Variants in SNAP91 observed in about 807,000 individuals in gnomAD.
The protein encoded by SNAP91 is synaptosome associated protein 91.
Under a neutral mutation model 100.3 loss-of-function variants are expected in SNAP91, and 27 were observed. That is an observed-to-expected ratio of 0.27 (90% CI 0.20 to 0.37). SNAP91 has a LOEUF of 0.37. SNAP91 is among the 10% of genes least tolerant of loss of function. SNAP91 has a pLI of 1.00. For missense variants in SNAP91, 986 were observed against 1,123.7 expected (o/e 0.88, Z 1.75); for synonymous variants, 404 against 398.6 (o/e 1.01, Z -0.16).
chr6:83,580,387 G>GA, intron 24 of SNAP91, 63 bp downstream of exon 24: 1 of 1,474,146 alleles, frequency 6.8e-7, no homozygotes, highest in Non-Finnish European at 9.2e-7. Flanking sequence ...GAGAGAGAGA[G>GA]AAACAAAAAA....
intron 7 of SNAP91, among the ~76,000 whole-genome samples, chr6:83,644,774 C>G (rs1381319203): frequency 6.6e-6 from 1 of 152,138 alleles, no homozygotes; most frequent in Non-Finnish European, 1.5e-5. Context: ...AGATTTATAG[C>G]ACCAATATTG....
chr6:83,645,744 G>T (rs142026091), intron 7 of SNAP91, among the ~76,000 whole-genome samples: 1 of 152,016 alleles, frequency 6.6e-6, no homozygotes, highest in African/African-American at 2.4e-5. Flanking sequence ...CCAGCTACTC[G>T]GGAGGCTGAG....
chr6:83,707,302 C>T (rs918417135), intron 2 of SNAP91, among the ~76,000 whole-genome samples: 1 of 152,116 alleles, frequency 6.6e-6, no homozygotes, highest in African/African-American at 2.4e-5. Context: ...AAACAATCCT[C>T]AGGAGCAACA....
chr6:83,564,353 A>G (rs955223963), intron 26 of SNAP91, among the ~76,000 whole-genome samples: 21 of 142,024 alleles, frequency 1.5e-4, no homozygotes, highest in Non-Finnish European at 2.2e-4. Flanking sequence ...TTTTATATAT[A>G]TATATACAGG....
At chr6:83,555,307 G>A (rs1159124245) in intron 29 of SNAP91, among the ~76,000 whole-genome samples, 2 of 152,094 alleles carry the variant, frequency 1.3e-5, no homozygotes, top group Non-Finnish European at 2.9e-5. Context: ...CACAGCAGGT[G>A]CATACTGAAA....
At chr6:83,554,936 CTT>C (rs1775575003) in intron 29 of SNAP91, among the ~76,000 whole-genome samples, 1 of 152,184 alleles carries the variant, frequency 6.6e-6, no homozygotes, top group Non-Finnish European at 1.5e-5. Context: ...CTCTCTTTCT[CTT>C]TGTCTGTCTC....
chr6:83,653,752 G>T (rs1283837233), intron 7 of SNAP91, among the ~76,000 whole-genome samples: 1 of 152,262 alleles, frequency 6.6e-6, no homozygotes, highest in South Asian at 2.1e-4. Context: ...GTTAAGGTGC[G>T]GAGAGGGGAA....
intron 2 of SNAP91, among the ~76,000 whole-genome samples, chr6:83,700,352 C>T (rs986211869): frequency 1.3e-5 from 2 of 151,974 alleles, no homozygotes; most frequent in Non-Finnish European, 2.9e-5. Context: ...GGCCAAATCA[C>T]TGGCAATACA....
rs61358113 is a variant in SNAP91, at chr6:83,652,355, G to A, written c.658+4399C>T. Among the ~76,000 whole-genome samples the A allele has an allele frequency of 3.1e-3, 468 of 151,878 alleles. 2 individuals are homozygous for A. The highest frequency in any genetic ancestry group is 0.011 in the African/African-American group (440 of 41,436). On this transcript the variant is annotated intron_variant, in intron 7 of 29. Transcript: ENST00000369694. The stretch of plus-strand genomic sequence containing the variant: ...AGATTCCATTTTCTCTCCTTTCTTA[G>A]CATATCAATTACACTTCTTTTTTAC...
At chr6:83,637,126 G>T (rs1216658400) in intron 8 of SNAP91, among the ~76,000 whole-genome samples, 1 of 152,198 alleles carries the variant, frequency 6.6e-6, no homozygotes, top group African/African-American at 2.4e-5. Flanking sequence ...TGCGTATGTG[G>T]CAGTGCTCTG....
intron 2 of SNAP91, among the ~76,000 whole-genome samples, chr6:83,684,559 C>G (rs1226763274): frequency 6.6e-6 from 1 of 152,138 alleles, no homozygotes; most frequent in Non-Finnish European, 1.5e-5. Context: ...TTGTCACACT[C>G]TGTATACACC....
intron 5 of SNAP91, among the ~76,000 whole-genome samples, chr6:83,659,427 T>TC (rs942803783): frequency 2.4e-4 from 23 of 96,844 alleles, no homozygotes; most frequent in African/African-American, 6.1e-4. Context: ...GTTTTCTTCT[T>TC]TTTTTTTTTT....
chr6:83,603,122 A>G (rs1269763239), intron 14 of SNAP91, among the ~76,000 whole-genome samples: 1 of 152,216 alleles, frequency 6.6e-6, no homozygotes, highest in Non-Finnish European at 1.5e-5. Context: ...GGAGCACTCA[A>G]TCAATATTAG....
intron 16 of SNAP91, among the ~76,000 whole-genome samples, chr6:83,598,193 A>C (rs1465459890): frequency 6.6e-6 from 1 of 152,124 alleles, no homozygotes; most frequent in Non-Finnish European, 1.5e-5. Context: ...TTTGCCTTTT[A>C]TTTTTGTCAA....
At chr6:83,592,040 A>C (rs893260691) in intron 21 of SNAP91, among the ~76,000 whole-genome samples, 1 of 152,236 alleles carries the variant, frequency 6.6e-6, no homozygotes, top group Non-Finnish European at 1.5e-5. Context: ...TTATGCTTTC[A>C]GTTTTAACTG....
chr6:83,644,298 G>C (rs989847586), intron 7 of SNAP91, among the ~76,000 whole-genome samples: 2 of 152,026 alleles, frequency 1.3e-5, no homozygotes, highest in Non-Finnish European at 2.9e-5. Context: ...CTCGATCATT[G>C]TGGATTTAGG....
At chr6:83,697,250 T>C (rs1009012503) in intron 2 of SNAP91, among the ~76,000 whole-genome samples, 3 of 151,910 alleles carry the variant, frequency 2.0e-5, no homozygotes, top group South Asian at 2.1e-4. Flanking sequence ...GTATAATATA[T>C]GTAGTTATAA....
chr6:83,564,436 CA>C (rs1183016186), intron 26 of SNAP91, among the ~76,000 whole-genome samples: 3 of 151,504 alleles, frequency 2.0e-5, no homozygotes. Flanking sequence ...TTCCCTGGCT[CA>C]AGTGATTCTC....
chr6:83,661,497 C>G lies in SNAP91; in HGVS notation c.452+5G>C. 6.4e-7 allele frequency: 1 copy of G among 1,566,494 alleles called. No individual in the cohort carries two copies. The highest frequency in any genetic ancestry group is 8.7e-7 in the Non-Finnish European group (1 of 1,145,892). On this transcript the variant is annotated splice_donor_5th_base_variant and intron_variant, in intron 5 of 29. Coordinates refer to ENST00000369694, the MANE Select transcript of SNAP91 (RefSeq NM_001242792.2). Reference sequence around the variant, plus strand: ...CTAATAAATATAAGAAAGACAAAAACATACCCTTTCTTCACCCTGGCAAAA... The same window carrying G: ...CTAATAAATATAAGAAAGACAAAAAGATACCCTTTCTTCACCCTGGCAAAA...
Sources: allele counts gnomAD v4.1 joint callset (sites outside exome capture counted in the v4.1 genomes callset), GRCh38; gene constraint gnomAD v4.1.1; transcripts MANE v1.5; gene names NCBI Gene and HGNC (gene_info 2026-07-23, HGNC 2026-07-21).